The following CAMTA1 variants were observed in gnomAD, a reference collection of about 807,000 sequenced individuals.
CAMTA1 encodes the protein calmodulin binding transcription activator 1, also known as calmodulin-binding transcription activator 1.
Under a neutral mutation model 170.9 loss-of-function variants are expected in CAMTA1, and 27 were observed. The observed-to-expected ratio is 0.16, with a 90% CI of 0.12 to 0.22. CAMTA1 has a LOEUF of 0.22. Ranked by LOEUF, CAMTA1 falls within the 10% of genes least tolerant of loss-of-function variation. The pLI, the probability that CAMTA1 is intolerant of heterozygous loss-of-function variation, is 1.00. For synonymous variants in CAMTA1, 833 were observed against 891.5 expected, an observed-to-expected ratio of 0.93 and a Z score of 1.17; for missense variants, 1,619 against 2,217.2, an observed-to-expected ratio of 0.73 and a Z score of 5.42.
intron 5 of CAMTA1, among the ~76,000 whole-genome samples, chr1:7,404,488 G>A (rs2090145088): frequency 2.0e-5 from 3 of 152,256 alleles, no homozygotes; most frequent in South Asian, 4.1e-4. Flanking sequence ...TTCCCGAGGA[G>A]AGTGGCCTGT....
In CAMTA1 at chr1:7,276,291, ATATATATATATATT is replaced by A. The variant is rs1483465513; in HGVS notation, c.438+26667_438+26680del. ...CCTACACCTGATCATATATATATAT[ATATATATATATATT>A]TTTTTTTTTTTTTTTTCTTTTTGAG... is the stretch of plus-strand genomic sequence containing the variant. On this transcript the variant is annotated intron_variant, in intron 5 of 22. Coordinates refer to ENST00000303635, the MANE Select transcript of CAMTA1 (RefSeq NM_015215.4). Among the ~76,000 whole-genome samples, 15 of 51,308 alleles carry A rather than the reference ATATATATATATATT, an allele frequency of 2.9e-4. 2 individuals are homozygous for A. Among genetic ancestry groups the A allele is most frequent in the Admixed American group, 9.3e-4 (4 of 4,318 alleles). 33.7% of individuals were successfully genotyped at this position (51,308 alleles called of 152,430 possible).
intron 5 of CAMTA1, among the ~76,000 whole-genome samples, chr1:7,431,545 C>CT (rs1373244500): frequency 5.9e-5 from 9 of 152,184 alleles, no homozygotes; most frequent in African/African-American, 1.9e-4. Flanking sequence ...GGCAGCCCCA[C>CT]TTGGCAGATC....
intron 5 of CAMTA1, among the ~76,000 whole-genome samples, chr1:7,465,718 C>T (rs937407448): frequency 6.6e-6 from 1 of 152,142 alleles, no homozygotes; most frequent in African/African-American, 2.4e-5. Flanking sequence ...CGGGCCTGGG[C>T]CTTCCTCTTC....
intron 3 of CAMTA1, among the ~76,000 whole-genome samples, chr1:6,912,270 A>C (rs1338848278): frequency 6.6e-6 from 1 of 152,248 alleles, no homozygotes; most frequent in Non-Finnish European, 1.5e-5. Flanking sequence ...CTGAAGGTCA[A>C]GTTCTTTCCA....
At position 7,272,692 on chromosome 1, in the gene CAMTA1, C is replaced by CAAAAAAAAAAAAAAAAAAAAAAAAAA. The variant is rs371588178; in HGVS notation, c.438+23090_438+23091insAAAAAAAAAAAAAAAAAAAAAAAAAA. Among the ~76,000 whole-genome samples the CAAAAAAAAAAAAAAAAAAAAAAAAAA allele has an allele frequency of 1.4e-3, 56 of 38,812 alleles. 1 individual carries two copies. Among genetic ancestry groups the CAAAAAAAAAAAAAAAAAAAAAAAAAA allele is most frequent in the African/African-American group, 2.0e-3 (22 of 10,762 alleles). 25.5% of individuals were successfully genotyped at this position (38,812 alleles called of 152,430 possible). On this transcript the variant is annotated intron_variant, in intron 5 of 22. Coordinates refer to ENST00000303635, the MANE Select transcript of CAMTA1 (RefSeq NM_015215.4). ...TCTGGGGCAACTGGATAAACACATG[C>CAAAAAAAAAAAAAAAAAAAAAAAAAA]AAAAAAAAAAAAAAAAAAAAAAAAG...
chr1:6,926,460 C>CT (rs1157406486), intron 3 of CAMTA1, among the ~76,000 whole-genome samples: 2 of 130,820 alleles, frequency 1.5e-5, no homozygotes, highest in African/African-American at 7.1e-5. Context: ...TTCTTTCTTT[C>CT]TTTCTTTCTT....
intron 6 of CAMTA1, among the ~76,000 whole-genome samples, chr1:7,512,412 T>G (rs1385295645): frequency 6.6e-6 from 1 of 152,170 alleles, no homozygotes; most frequent in African/African-American, 2.4e-5. Flanking sequence ...GGTAGCAAAT[T>G]AGTCAGGTTT....
chr1:6,852,598 A>G (rs1459762531), intron 3 of CAMTA1, among the ~76,000 whole-genome samples: 5 of 152,244 alleles, frequency 3.3e-5, no homozygotes, highest in Non-Finnish European at 4.4e-5. Flanking sequence ...TATACAGAAT[A>G]CAATTCAGGA....
At chr1:7,500,633 G>A (rs1030827460) in intron 6 of CAMTA1, among the ~76,000 whole-genome samples, 1 of 152,142 alleles carries the variant, frequency 6.6e-6, no homozygotes, top group Non-Finnish European at 1.5e-5. Flanking sequence ...TCCTCTCAAG[G>A]GCCCTCTGTT....
At chr1:6,955,395 T>G (rs1304426359) in intron 3 of CAMTA1, among the ~76,000 whole-genome samples, 2 of 152,128 alleles carry the variant, frequency 1.3e-5, no homozygotes, top group East Asian at 3.9e-4. Flanking sequence ...ACGGTCAAGC[T>G]GAGGGGCCCC....
chr1:6,980,834 T>C (rs1694311992), intron 3 of CAMTA1, among the ~76,000 whole-genome samples: 1 of 152,210 alleles, frequency 6.6e-6, no homozygotes, highest in Non-Finnish European at 1.5e-5. Flanking sequence ...ACCTCTTTTC[T>C]TTATAAATTA....
chr1:7,188,210 G>C (rs934594657), intron 4 of CAMTA1, among the ~76,000 whole-genome samples: 4 of 152,164 alleles, frequency 2.6e-5, no homozygotes, highest in Non-Finnish European at 5.9e-5. Context: ...CACAACACCT[G>C]AGGATTACAA....
chr1:7,217,370 C>T (rs769350804), intron 4 of CAMTA1, among the ~76,000 whole-genome samples: 1 of 152,154 alleles, frequency 6.6e-6, no homozygotes, highest in African/African-American at 2.4e-5. Context: ...TACCCAGTCT[C>T]GGGCAGTTCT....
At chr1:7,116,668 T>C (rs78291715) in intron 4 of CAMTA1, among the ~76,000 whole-genome samples, 3 of 151,060 alleles carry the variant, frequency 2.0e-5, no homozygotes, top group Non-Finnish European at 2.9e-5. Flanking sequence ...TTTTTTTTTT[T>C]ATGGAGTCTC....
chr1:7,467,702 G>T, intron 5 of CAMTA1, 128 bp from the exon 6 acceptor site: 2 of 840,956 alleles, frequency 2.4e-6, no homozygotes, highest in South Asian at 2.7e-5. Context: ...ACGCAGAGGT[G>T]CCCTCGGTCT....
intron 1 of CAMTA1, among the ~76,000 whole-genome samples, chr1:6,813,245 A>ACC (rs1645390682): frequency 6.6e-6 from 1 of 152,310 alleles, no homozygotes; most frequent in African/African-American, 2.4e-5. Flanking sequence ...GGCTTGGGGT[A>ACC]CATGTTGAAT....
chr1:7,536,001 C>T (rs915828969), intron 6 of CAMTA1, among the ~76,000 whole-genome samples: 3 of 152,224 alleles, frequency 2.0e-5, no homozygotes, highest in African/African-American at 7.2e-5. Context: ...GTTTAGGTTC[C>T]ACCTGATGCT....
intron 6 of CAMTA1, among the ~76,000 whole-genome samples, chr1:7,572,297 T>TA (rs1380805645): frequency 6.6e-6 from 1 of 152,230 alleles, no homozygotes; most frequent in African/African-American, 2.4e-5. Context: ...GTTGTCTGTT[T>TA]ACTCTGTTGA....
intron 3 of CAMTA1, among the ~76,000 whole-genome samples, chr1:6,998,108 C>T (rs1026038690): frequency 6.0e-5 from 9 of 150,456 alleles, no homozygotes; most frequent in African/African-American, 2.2e-4. Context: ...GATGGAGTCT[C>T]GCTCTGTCAC....
Sources: allele counts gnomAD v4.1 joint callset (sites outside exome capture counted in the v4.1 genomes callset), GRCh38; gene constraint gnomAD v4.1.1; transcripts MANE v1.5; gene names NCBI Gene and HGNC (gene_info 2026-07-23, HGNC 2026-07-21).